The following DNER variants were observed in gnomAD, a reference collection of about 807,000 sequenced individuals.
DNER encodes the protein delta and Notch-like epidermal growth factor-related receptor.
DNER carries 33 observed loss-of-function variants against 78.2 expected under a neutral mutation model. The observed-to-expected ratio is 0.42, with a 90% CI of 0.32 to 0.56. The LOEUF is 0.56. Among genes scored for constraint, DNER ranks in the 20% least tolerant of loss-of-function variants. DNER has a pLI of 0.11. For synonymous variants in DNER, 417 were observed against 384.8 expected, an observed-to-expected ratio of 1.08 and a Z score of -0.98; for missense variants, 918 against 975.3, an observed-to-expected ratio of 0.94 and a Z score of 0.78.
At chr2:229,471,692 C>G (rs1226657678) in intron 7 of DNER, among the ~76,000 whole-genome samples, 1 of 152,182 alleles carries the variant, frequency 6.6e-6, no homozygotes, top group African/African-American at 2.4e-5. Flanking sequence ...TAACAATCAT[C>G]ATAATAGCTA....
intron 1 of DNER, among the ~76,000 whole-genome samples, chr2:229,650,360 C>T (rs1463871911): frequency 6.6e-6 from 1 of 152,136 alleles, no homozygotes; most frequent in Non-Finnish European, 1.5e-5. Context: ...AAAAACGTAT[C>T]CTGTACTGTA....
chr2:229,441,240 T>C (rs2106359539), intron 8 of DNER, among the ~76,000 whole-genome samples: 1 of 151,972 alleles, frequency 6.6e-6, no homozygotes, highest in Non-Finnish European at 1.5e-5. Flanking sequence ...TTGGAAATTC[T>C]GAACTATTGT....
rs1391047936 is a variant in DNER at position 229,518,965 on chromosome 2, T to TA, written c.994-6030_994-6029insT. On this transcript the variant is annotated intron_variant, in intron 5 of 12. Coordinates refer to ENST00000341772, the MANE Select transcript of DNER (RefSeq NM_139072.4). ...TCATGCGATTACTCTTTTTTTTTTT[T>TA]TTATTTTTGATTTGGGCTGCTGTAA... is the stretch of plus-strand genomic sequence containing the variant. 5.3e-5 allele frequency among the ~76,000 whole-genome samples: 8 copies of TA among 151,862 alleles called. No homozygotes were observed. The East Asian group carries it at 7.7e-4, about 15-fold the overall frequency.
chr2:229,653,284 G>A (rs868183377), intron 1 of DNER, among the ~76,000 whole-genome samples: 2 of 152,148 alleles, frequency 1.3e-5, no homozygotes, highest in Non-Finnish European at 2.9e-5. Flanking sequence ...ATGGAGAGTC[G>A]AGGCTGACAC....
intron 6 of DNER, among the ~76,000 whole-genome samples, chr2:229,491,297 G>A (rs1292996957): frequency 6.6e-6 from 1 of 152,124 alleles, no homozygotes; most frequent in African/African-American, 2.4e-5. Flanking sequence ...GTTTGGTGAG[G>A]GCCCATTCCT....
intron 8 of DNER, among the ~76,000 whole-genome samples, chr2:229,418,685 C>T (rs1252762344): frequency 1.3e-5 from 2 of 152,036 alleles, no homozygotes; most frequent in African/African-American, 2.4e-5. Flanking sequence ...TTTGGGATAC[C>T]GAGGCAGGTT....
At chr2:229,364,686 T>C (rs1271342691) in intron 12 of DNER, among the ~76,000 whole-genome samples, 3 of 152,144 alleles carry the variant, frequency 2.0e-5, no homozygotes, top group African/African-American at 7.2e-5. Flanking sequence ...CCATGGAAGC[T>C]GAGTTCTGGC....
At chr2:229,394,203 C>A (rs1693081195) in intron 10 of DNER, among the ~76,000 whole-genome samples, 1 of 152,144 alleles carries the variant, frequency 6.6e-6, no homozygotes, top group Non-Finnish European at 1.5e-5. Flanking sequence ...CAGATACTTA[C>A]CATAAATCCT....
intron 1 of DNER, among the ~76,000 whole-genome samples, chr2:229,597,974 C>T (rs933849373): frequency 6.6e-6 from 1 of 152,158 alleles, no homozygotes; most frequent in African/African-American, 2.4e-5. Flanking sequence ...AAGGCAGTAG[C>T]AGTGTGACCC....
chr2:229,675,185 C>A (rs1699281763), intron 1 of DNER, among the ~76,000 whole-genome samples: 1 of 152,298 alleles, frequency 6.6e-6, no homozygotes, highest in Non-Finnish European at 1.5e-5. Context: ...TCCAAAGACA[C>A]CTTCCTCCCC....
chr2:229,664,796 C>T (rs193194332), intron 1 of DNER, among the ~76,000 whole-genome samples: 2 of 152,264 alleles, frequency 1.3e-5, no homozygotes, highest in African/African-American at 4.8e-5. Context: ...AGGCATTCTC[C>T]AAAGATTACT....
At chr2:229,610,404 A>G (rs996934195) in intron 1 of DNER, among the ~76,000 whole-genome samples, 1 of 152,222 alleles carries the variant, frequency 6.6e-6, no homozygotes, top group African/African-American at 2.4e-5. Flanking sequence ...CACATTCTTA[A>G]CTGAGACCCG....
intron 1 of DNER, among the ~76,000 whole-genome samples, chr2:229,641,420 A>G (rs994516068): frequency 6.6e-6 from 1 of 152,192 alleles, no homozygotes; most frequent in Non-Finnish European, 1.5e-5. Flanking sequence ...CGGCAGGAAA[A>G]GCTCCCAAAG....
chr2:229,424,787 GTCACAAGACTGTTGGT>G (rs1693838721), intron 8 of DNER, among the ~76,000 whole-genome samples: 1 of 152,176 alleles, frequency 6.6e-6, no homozygotes, highest in Non-Finnish European at 1.5e-5. Flanking sequence ...GAGTTTCTCA[GTCACAAGACTGTTGGT>G]ATTTTGGACC....
intron 5 of DNER, among the ~76,000 whole-genome samples, chr2:229,540,836 G>T (rs1696498103): frequency 6.6e-6 from 1 of 152,192 alleles, no homozygotes; most frequent in Non-Finnish European, 1.5e-5. Context: ...CGTCTCAGTA[G>T]TCAGCTCTGG....
In DNER at chr2:229,480,570, G is replaced by T. The variant is rs114726910; in HGVS notation, c.1148-3317C>A. On this transcript the variant is annotated intron_variant, in intron 6 of 12. Coordinates refer to ENST00000341772, the MANE Select transcript of DNER (RefSeq NM_139072.4). ...GAGGGTGAATCTTCAATGCTGTTAAGTGCCCCAATACCGTATGCAAGTTCG... is the reference window on the plus strand; with the variant it reads ...GAGGGTGAATCTTCAATGCTGTTAATTGCCCCAATACCGTATGCAAGTTCG... Among the ~76,000 whole-genome samples the T allele has an allele frequency of 4.2e-3, 644 of 152,228 alleles. 5 individuals carry two copies. The highest frequency in any genetic ancestry group is 0.014 in the African/African-American group (592 of 41,512).
At chr2:229,358,785 C>T (rs1291222705) in intron 12 of DNER, 134 bp from the exon 13 acceptor site, 3 of 693,376 alleles carry the variant, frequency 4.3e-6, no homozygotes, top group Admixed American at 3.0e-5. Context: ...AGCATAGAAA[C>T]TTTAGACATC....
At chr2:229,554,931 A>AAAATG (rs1696827620) in intron 4 of DNER, among the ~76,000 whole-genome samples, 2 of 47,618 alleles carry the variant, frequency 4.2e-5, no homozygotes, top group Non-Finnish European at 8.2e-5. Flanking sequence ...AGAAGAGAAG[A>AAAATG]GAAGAGAGAA....
chr2:229,591,540 G>T lies in DNER; in HGVS notation c.585+40C>A, dbSNP rs781407286. 6.4e-7 allele frequency: 1 copy of T among 1,565,888 alleles called. No individual in the cohort carries two copies. The highest frequency in any genetic ancestry group is 1.2e-5 in the South Asian group (1 of 82,408). ...CCGCTGGAGTCACTTTAAGATTTCT[G>T]GTTTCTAATGTAAAAATGCACATGA... On this transcript the variant is annotated intron_variant, in intron 2 of 12. Coordinates refer to ENST00000341772, the MANE Select transcript of DNER (RefSeq NM_139072.4). This position sits in a 1 kb window ranked among gnomAD's most constrained non-coding sequence, Gnocchi z 4.6.
Sources: allele counts gnomAD v4.1 joint callset (sites outside exome capture counted in the v4.1 genomes callset), GRCh38; gene constraint gnomAD v4.1.1; non-coding constraint Gnocchi (gnomAD v3.1); transcripts MANE v1.5; gene names NCBI Gene and HGNC (gene_info 2026-07-23, HGNC 2026-07-21).